The following BFSP2 variants were observed in gnomAD, a reference collection of about 807,000 sequenced individuals.
BFSP2 encodes the protein beaded filament structural protein 2.
A neutral mutation model predicts 44.9 loss-of-function variants in BFSP2; 38 were observed. The ratio of observed to expected loss-of-function variants is 0.85; its 90% CI spans 0.65 to 1.11. BFSP2 has a LOEUF of 1.11. Ranked by LOEUF, BFSP2 falls within the 50% of genes least tolerant of loss-of-function variation. BFSP2 has a pLI of 0.00. For missense variants in BFSP2, 525 were observed against 533.0 expected (o/e 0.99, Z 0.15); for synonymous variants, 197 against 209.9 (o/e 0.94, Z 0.53).
chr3:133,401,614 C>CTCTCAGCTGGTCTCTCTGTGGA (rs1338243355), intron 1 of BFSP2, among the ~76,000 whole-genome samples: 1 of 152,140 alleles, frequency 6.6e-6, no homozygotes, highest in Non-Finnish European at 1.5e-5. Context: ...AGCATTACAC[C>CTCTCAGCTGGTCTCTCTGTGGA]TCTCAGCTGG....
intron 1 of BFSP2, among the ~76,000 whole-genome samples, chr3:133,421,387 C>T (rs2073591053): frequency 2.0e-5 from 3 of 152,228 alleles, no homozygotes; most frequent in Admixed American, 1.3e-4. Context: ...GAGAATCGGT[C>T]CCAGGCTGCT....
chr3:133,456,223 G>T (rs1344975158), intron 4 of BFSP2, among the ~76,000 whole-genome samples: 1 of 152,208 alleles, frequency 6.6e-6, no homozygotes, highest in Non-Finnish European at 1.5e-5. Flanking sequence ...CTTTATCTGA[G>T]CTGTAACCAT....
intron 4 of BFSP2, among the ~76,000 whole-genome samples, chr3:133,450,902 G>A (rs900184167): frequency 5.3e-5 from 8 of 152,120 alleles, no homozygotes; most frequent in African/African-American, 1.9e-4. Flanking sequence ...ATGAGGTCAG[G>A]AGATCGATAC....
intron 1 of BFSP2, chr3:133,429,774 CTTTAAG>C (rs1297513288): frequency 4.7e-5 from 7 of 148,344 alleles, no homozygotes; most frequent in African/African-American, 1.7e-4. Context: ...TTTTATTATA[CTTTAAG>C]TTTTAGGGTA....
rs148915741 is a variant in BFSP2, at chr3:133,450,437, G to C, written c.864G>C (p.Val288=). The change falls in exon 4 of 7, where the codon GTG becomes GTC. Residue 288 remains valine, a synonymous_variant. Transcript: ENST00000302334. ...AGAGAGATGTTGAAAAGAACCGGGT[G>C]GAGGCAGGAGCCCTGCTCCAAGCTA... ...QWERDVEKNR[V]EAGALLQAKQ... is the part of the protein sequence containing the mutation. 4.6e-5 allele frequency: 75 copies of C among 1,613,990 alleles called. No homozygotes were observed. The African/African-American group carries it at 9.6e-4, about 21-fold the overall frequency.
intron 4 of BFSP2, among the ~76,000 whole-genome samples, chr3:133,465,739 G>C (rs2074103286): frequency 6.6e-6 from 1 of 152,206 alleles, no homozygotes; most frequent in African/African-American, 2.4e-5. Context: ...AACTGGCACT[G>C]TCTTACAATG....
intron 4 of BFSP2, among the ~76,000 whole-genome samples, chr3:133,456,479 G>C (rs962814967): frequency 1.3e-5 from 2 of 152,198 alleles, no homozygotes; most frequent in Non-Finnish European, 2.9e-5. Flanking sequence ...AGGTGCAGTG[G>C]CTCATGCCTA....
chr3:133,441,694 C>G (rs2073846856), intron 1 of BFSP2, among the ~76,000 whole-genome samples: 1 of 152,174 alleles, frequency 6.6e-6, no homozygotes, highest in Non-Finnish European at 1.5e-5. Context: ...GTACCAGACA[C>G]TGTGCTAGGG....
chr3:133,455,202 A>G (rs1221159228), intron 4 of BFSP2: 1 of 152,288 alleles, frequency 6.6e-6, no homozygotes, highest in African/African-American at 2.4e-5. Flanking sequence ...AACATTTACT[A>G]TTGTTAGCAA....
chr3:133,465,886 A>C (rs1348637504), intron 4 of BFSP2, among the ~76,000 whole-genome samples: 2 of 152,220 alleles, frequency 1.3e-5, no homozygotes, highest in Admixed American at 1.3e-4. Context: ...AAAATAAGGG[A>C]TCAAAGCTTT....
intron 1 of BFSP2, among the ~76,000 whole-genome samples, chr3:133,433,595 T>C (rs1203008672): frequency 6.6e-6 from 1 of 152,244 alleles, no homozygotes; most frequent in East Asian, 1.9e-4. Flanking sequence ...AGTCCTTTCC[T>C]ACAGGGTCTG....
intron 4 of BFSP2, among the ~76,000 whole-genome samples, chr3:133,461,691 G>T (rs191738325): frequency 6.6e-6 from 1 of 152,224 alleles, no homozygotes; most frequent in Admixed American, 6.5e-5. Flanking sequence ...TTTAGCAGTG[G>T]TTACTTTAGG....
rs140743477 is a variant in BFSP2 at position 133,441,803 on chromosome 3, A to G, written c.490-5514A>G. 4.6e-3 allele frequency among the ~76,000 whole-genome samples: 694 copies of G among 152,368 alleles called. 8 individuals carry two copies. Among genetic ancestry groups the G allele is most frequent in the South Asian group, 0.037 (177 of 4,828 alleles). On this transcript the variant is annotated intron_variant, in intron 1 of 6. Transcript: ENST00000302334. ...AAATAATTTAAAAACCATAAAATTGATAATACAAGCTTTGGTAAGTGTTTT... is the reference window on the plus strand; with the variant it reads ...AAATAATTTAAAAACCATAAAATTGGTAATACAAGCTTTGGTAAGTGTTTT...
intron 1 of BFSP2, among the ~76,000 whole-genome samples, chr3:133,434,546 A>G (rs1400429216): frequency 6.6e-6 from 1 of 152,176 alleles, no homozygotes; most frequent in East Asian, 1.9e-4. Flanking sequence ...CAGGCCTCTG[A>G]GCCCAAGCCA....
intron 1 of BFSP2, among the ~76,000 whole-genome samples, chr3:133,444,789 C>T (rs1180907390): frequency 6.6e-6 from 1 of 152,126 alleles, no homozygotes; most frequent in Non-Finnish European, 1.5e-5. Flanking sequence ...TCGTCCAGGC[C>T]ACCATCATTA....
chr3:133,448,829 T>G (rs2073928987), intron 3 of BFSP2, 184 bp downstream of exon 3: 1 of 741,270 alleles, frequency 1.3e-6, no homozygotes. Context: ...ACCCCAGCAG[T>G]CTCAAACTCA....
Position 133,400,859 on chromosome 3 carries a change from T to A in BFSP2, c.489+287T>A, listed in dbSNP as rs1011690335. On this transcript the variant is annotated intron_variant, in intron 1 of 6. Coordinates refer to ENST00000302334, the MANE Select transcript of BFSP2 (RefSeq NM_003571.4). The surrounding 1 kb of genome is among the most constrained non-coding windows in gnomAD (Gnocchi z 4.0). The stretch of plus-strand genomic sequence containing the variant: ...ATTTTTCAGATGAGAAACTGAGGCA[T>A]GTAATTTGCCCAAGACTTCAAAGCT... Among the ~76,000 whole-genome samples, 2 of 152,194 alleles carry A rather than the reference T, an allele frequency of 1.3e-5. No homozygotes were observed. Among genetic ancestry groups the A allele is most frequent in the Non-Finnish European group, 2.9e-5 (2 of 68,032 alleles).
intron 4 of BFSP2, among the ~76,000 whole-genome samples, chr3:133,462,209 A>G (rs2074070696): frequency 6.6e-6 from 1 of 152,078 alleles, no homozygotes; most frequent in African/African-American, 2.4e-5. Context: ...GTTTACAGAT[A>G]ACTAACCTAC....
At chr3:133,459,636 G>A (rs974887785) in intron 4 of BFSP2, among the ~76,000 whole-genome samples, 8 of 152,196 alleles carry the variant, frequency 5.3e-5, no homozygotes, top group Non-Finnish European at 8.8e-5. Flanking sequence ...TGAGTGAGGC[G>A]TGCACTTCTT....
Sources: gnomAD v4.1 joint callset for allele counts (sites outside exome capture counted in the v4.1 genomes callset) on GRCh38, gnomAD v4.1.1 for gene constraint, Gnocchi (gnomAD v3.1) non-coding constraint, MANE v1.5 for transcripts, NCBI Gene and HGNC (gene_info 2026-07-23, HGNC 2026-07-21) for gene names.